The following VDAC1 variants were observed in gnomAD, a reference collection of about 807,000 sequenced individuals.
VDAC1 encodes the protein non-selective voltage-gated ion channel VDAC1.
In VDAC1, 10 loss-of-function variants were observed where a neutral mutation model predicts 34.7. That is an observed-to-expected ratio of 0.29 (90% CI 0.18 to 0.49). VDAC1 has a LOEUF of 0.49. Among genes scored for constraint, VDAC1 ranks in the 20% least tolerant of loss-of-function variants. The pLI is 0.99. For missense variants in VDAC1, 230 were observed against 347.9 expected, an observed-to-expected ratio of 0.66 and a Z score of 2.69; for synonymous variants, 130 against 136.0, an observed-to-expected ratio of 0.96 and a Z score of 0.30.
the VDAC1 span, among the ~76,000 whole-genome samples, chr5:134,070,823 A>G: frequency 1.1e-4 from 16 of 152,212 alleles, no homozygotes; most frequent in Non-Finnish European, 2.1e-4. Flanking sequence ...GCAATGCTCC[A>G]ATGCGTCATA....
At chr5:134,022,101 A>G in the VDAC1 span, among the ~76,000 whole-genome samples, 1 of 151,870 alleles carries the variant, frequency 6.6e-6, no homozygotes, top group African/African-American at 2.4e-5. Context: ...CTGGTCTCAA[A>G]CTCCTGACCT....
At chr5:134,101,150 G>A in the VDAC1 span, among the ~76,000 whole-genome samples, 1 of 152,250 alleles carries the variant, frequency 6.6e-6, no homozygotes, top group African/African-American at 2.4e-5. Flanking sequence ...TTCAGCTCCT[G>A]ACACATGTCT....
In VDAC1 at chr5:133,990,881, G is replaced by A. The variant is rs771422422; in HGVS notation, c.297C>T (p.Phe99=). 6.4e-6 allele frequency: 10 copies of A among 1,565,476 alleles called. No homozygotes were observed. Among genetic ancestry groups the A allele is most frequent in the Middle Eastern group, 1.7e-4 (1 of 5,822 alleles). Reference sequence around the variant, plus strand: ...CAGTGTTAGGTGAGAAGGATGAATCGAAGGTCAGCTTCAGTCCACGTGCAA... The same window carrying A: ...CAGTGTTAGGTGAGAAGGATGAATCAAAGGTCAGCTTCAGTCCACGTGCAA... ...DQLARGLKLT[F]DSSFSPNTGK... Residue 99 remains phenylalanine, a synonymous_variant, in exon 5 of 9, where the codon TTC becomes TTT. Coordinates refer to ENST00000265333, the MANE Select transcript of VDAC1 (RefSeq NM_003374.3).
chr5:134,102,336 C>T, the VDAC1 span, among the ~76,000 whole-genome samples: 2 of 127,816 alleles, frequency 1.6e-5, no homozygotes, highest in Non-Finnish European at 3.5e-5. Flanking sequence ...CACCCTCTAC[C>T]CCCCCCACCC....
the VDAC1 span, among the ~76,000 whole-genome samples, chr5:134,114,155 G>C: frequency 6.6e-6 from 1 of 152,338 alleles, no homozygotes; most frequent in Non-Finnish European, 1.5e-5. Context: ...TATGCAGGCG[G>C]CCTAGAAGGA....
At chr5:133,988,248 AT>A (rs1014077608) in intron 5 of VDAC1, among the ~76,000 whole-genome samples, 1 of 151,990 alleles carries the variant, frequency 6.6e-6, no homozygotes, top group African/African-American at 2.4e-5. Flanking sequence ...TTTTTGCCAC[AT>A]TTTTTTCTAA....
the VDAC1 span, among the ~76,000 whole-genome samples, chr5:134,083,191 T>C: frequency 2.4e-4 from 31 of 127,998 alleles, 1 homozygote; most frequent in African/African-American, 1.1e-3. Context: ...TTTTTTTTTC[T>C]TTTTTTTTTT....
chr5:134,113,335 G>A, the VDAC1 span, among the ~76,000 whole-genome samples: 1 of 152,230 alleles, frequency 6.6e-6, no homozygotes, highest in Non-Finnish European at 1.5e-5. Context: ...GTGGGGGCTG[G>A]TGTCCGAGAC....
intron 1 of VDAC1, chr5:134,004,442 C>A (rs1753681564): frequency 6.6e-6 from 1 of 152,264 alleles, no homozygotes; most frequent in Non-Finnish European, 1.5e-5. Context: ...CAGCCCAGAC[C>A]TGTTCGGCAC....
At chr5:134,086,200 A>G in the VDAC1 span, among the ~76,000 whole-genome samples, 1 of 152,204 alleles carries the variant, frequency 6.6e-6, no homozygotes, top group African/African-American at 2.4e-5. Context: ...TGTCTCAAAT[A>G]ATAATAATAA....
chr5:134,095,368 TG>T, the VDAC1 span, among the ~76,000 whole-genome samples: 1 of 151,872 alleles, frequency 6.6e-6, no homozygotes, highest in Admixed American at 6.6e-5. Context: ...CTATAGTCCC[TG>T]CTACTCAGGA....
chr5:133,983,714 C>T (rs1370038538), intron 5 of VDAC1, among the ~76,000 whole-genome samples: 1 of 152,130 alleles, frequency 6.6e-6, no homozygotes, highest in African/African-American at 2.4e-5. Flanking sequence ...GATACAGTTT[C>T]GATGCTGTAT....
the VDAC1 span, among the ~76,000 whole-genome samples, chr5:134,031,298 T>TAA: frequency 6.7e-6 from 1 of 149,916 alleles, no homozygotes; most frequent in Admixed American, 6.7e-5. Context: ...TTTACTTAGT[T>TAA]AAAAAAAAAA....
chr5:134,056,434 A>ATTTT, the VDAC1 span, among the ~76,000 whole-genome samples: 19 of 118,686 alleles, frequency 1.6e-4, no homozygotes, highest in Admixed American at 1.3e-3. Flanking sequence ...GCTGCACTGA[A>ATTTT]TTTTTTTTTT....
the VDAC1 span, among the ~76,000 whole-genome samples, chr5:134,085,229 C>T: frequency 2.2e-4 from 33 of 152,078 alleles, no homozygotes; most frequent in Non-Finnish European, 4.0e-4. Flanking sequence ...CCACCACGCC[C>T]GGCTAGCTTT....
chr5:134,006,715 C>T (rs1455236120), upstream of VDAC1, among the ~76,000 whole-genome samples: 1 of 147,554 alleles, frequency 6.8e-6, no homozygotes, highest in Non-Finnish European at 1.5e-5. Context: ...TGTACTCCAG[C>T]CTGACTGACA....
intron 6 of VDAC1, among the ~76,000 whole-genome samples, chr5:133,976,534 G>T (rs1456926093): frequency 2.0e-5 from 3 of 151,906 alleles, no homozygotes; most frequent in Non-Finnish European, 4.4e-5. Context: ...CAGGGGAGAG[G>T]GGGTACGTGG....
At chr5:133,990,793 G>A in intron 5 of VDAC1, 62 bp downstream of exon 5, 1 of 1,505,216 alleles carries the variant, frequency 6.6e-7, no homozygotes, top group Non-Finnish European at 8.9e-7. Context: ...TTGTCACAAA[G>A]GGCTTCCACC....
the VDAC1 span, among the ~76,000 whole-genome samples, chr5:134,110,328 A>G: frequency 2.6e-5 from 4 of 152,236 alleles, no homozygotes; most frequent in East Asian, 1.9e-4. Context: ...AACCCACAGA[A>G]GAGTCCTTCC....
Sources: allele counts gnomAD v4.1 joint callset (sites outside exome capture counted in the v4.1 genomes callset), GRCh38; gene constraint gnomAD v4.1.1; transcripts MANE v1.5; gene names NCBI Gene and HGNC (gene_info 2026-07-23, HGNC 2026-07-21).